CDK6: variants seen among roughly 807,000 people sequenced by gnomAD.
CDK6 encodes cyclin dependent kinase 6.
CDK6 carries 6 observed loss-of-function variants against 37.1 expected under a neutral mutation model. That is an observed-to-expected ratio of 0.16 (90% CI 0.09 to 0.32). The LOEUF is 0.32. Among genes scored for constraint, CDK6 ranks in the 10% least tolerant of loss-of-function variants. The probability of loss-of-function intolerance (pLI) is 1.00; values close to 1 mark genes in which losing one functional copy is unlikely to be tolerated. For synonymous variants in CDK6, 160 were observed against 161.3 expected (o/e 0.99, Z 0.06); for missense variants, 224 against 418.9 (o/e 0.53, Z 4.06).
chr7:92,809,851 T>A (rs966863080), intron 2 of CDK6, among the ~76,000 whole-genome samples: 1 of 152,188 alleles, frequency 6.6e-6, no homozygotes, highest in Admixed American at 6.5e-5. Context: ...TTAGCCAGAG[T>A]GTGGCTGAAA....
intron 5 of CDK6, among the ~76,000 whole-genome samples, chr7:92,641,211 G>A (rs1019787815): frequency 3.3e-5 from 5 of 151,664 alleles, no homozygotes; most frequent in African/African-American, 7.3e-5. Context: ...TTGACACTAC[G>A]TAAATCTCTT....
intron 2 of CDK6, among the ~76,000 whole-genome samples, chr7:92,796,090 G>GAA (rs756349460): frequency 7.2e-5 from 5 of 69,384 alleles, no homozygotes; most frequent in Non-Finnish European, 1.1e-4. Flanking sequence ...TTAACTTGGA[G>GAA]AAAAAAAAAA....
At chr7:92,723,349 T>C (rs1162310444) in intron 4 of CDK6, among the ~76,000 whole-genome samples, 2 of 152,198 alleles carry the variant, frequency 1.3e-5, no homozygotes, top group Admixed American at 6.5e-5. Flanking sequence ...ATCAGTTAAC[T>C]TGTAATTCCT....
chr7:92,633,333 CACAG>C (rs1226817474), intron 5 of CDK6, among the ~76,000 whole-genome samples: 1 of 152,104 alleles, frequency 6.6e-6, no homozygotes, highest in South Asian at 2.1e-4. Context: ...TCAGAAATTT[CACAG>C]ACAATCTAGA....
chr7:92,779,496 G>A (rs1028247611), intron 2 of CDK6, among the ~76,000 whole-genome samples: 1 of 152,164 alleles, frequency 6.6e-6, no homozygotes, highest in Non-Finnish European at 1.5e-5. Flanking sequence ...CAGGTTCAAG[G>A]AAATAATCCT....
intron 5 of CDK6, among the ~76,000 whole-genome samples, chr7:92,657,985 GT>G (rs1488727951): frequency 6.6e-6 from 1 of 152,180 alleles, no homozygotes; most frequent in Admixed American, 6.5e-5. Flanking sequence ...GCCTTCCAAA[GT>G]GCTGGGATTA....
At chr7:92,673,776 T>TC (rs1210556414) in intron 4 of CDK6, among the ~76,000 whole-genome samples, 1 of 151,778 alleles carries the variant, frequency 6.6e-6, no homozygotes, top group Non-Finnish European at 1.5e-5. Context: ...TTTTGTTCCT[T>TC]CCTTTTTTTT....
intron 4 of CDK6, among the ~76,000 whole-genome samples, chr7:92,675,364 T>C (rs951812807): frequency 1.3e-5 from 2 of 152,230 alleles, no homozygotes; most frequent in Middle Eastern, 3.2e-3. Context: ...AAAATGTCTA[T>C]TAATAATGAC....
rs1482611863 is a variant in CDK6, at chr7:92,800,555, A to T, written c.234-25724T>A. Among the ~76,000 whole-genome samples, 3 of 152,142 alleles carry T rather than the reference A, an allele frequency of 2.0e-5. No individual in the cohort carries two copies. The East Asian group carries it at 5.8e-4, about 29-fold the overall frequency. On this transcript the variant is annotated intron_variant, in intron 2 of 7. Transcript: ENST00000424848. The stretch of plus-strand genomic sequence containing the variant: ...GTACACACACACTTTCTCTCTCCCC[A>T]CTAGGTTATAAACTCACTTAAAGCA...
rs548026733 is a variant in CDK6 at position 92,606,182 on chromosome 7, G to T, written c.*8958C>A. 2.1e-4 allele frequency: 49 copies of T among 233,546 alleles called. No individual in the cohort carries two copies. The highest frequency in any genetic ancestry group is 3.4e-4 in the Non-Finnish European group (40 of 117,950). 14.5% of individuals were successfully genotyped at this position (233,546 alleles called of 1,614,324 possible). On this transcript the variant is annotated 3_prime_UTR_variant, in exon 8 of 8. Coordinates refer to ENST00000424848, the MANE Select transcript of CDK6 (RefSeq NM_001145306.2). Reference sequence around the variant, plus strand: ...GAGAGAAAACAGCAGCCTGGAATGTGGTTTATATTCTTGATTAGTTTTTCT... The same window carrying T: ...GAGAGAAAACAGCAGCCTGGAATGTTGTTTATATTCTTGATTAGTTTTTCT...
At chr7:92,831,669 T>C (rs141630161) in intron 2 of CDK6, among the ~76,000 whole-genome samples, 28 of 152,356 alleles carry the variant, frequency 1.8e-4, no homozygotes, top group African/African-American at 6.3e-4. Flanking sequence ...TCTCCTTCAC[T>C]AGCTAGGCCG....
chr7:92,776,696 T>C (rs1259539765), intron 2 of CDK6, among the ~76,000 whole-genome samples: 1 of 152,208 alleles, frequency 6.6e-6, no homozygotes, highest in Non-Finnish European at 1.5e-5. Flanking sequence ...TTTGTTGGCC[T>C]CATAAATGTC....
intron 4 of CDK6, among the ~76,000 whole-genome samples, chr7:92,723,760 A>C (rs895122280): frequency 1.3e-5 from 2 of 152,154 alleles, no homozygotes; most frequent in African/African-American, 4.8e-5. Flanking sequence ...CATGCAGTAT[A>C]AACTAGATAC....
Position 92,725,534 on chromosome 7 carries a change from C to A in CDK6, c.537+92G>T, listed in dbSNP as rs1798491085. ...ATTCTATCCACCAACTAGTCATGGG[C>A]AGTACTAACATTAGAGACATGGAAG... On this transcript the variant is annotated intron_variant, in intron 4 of 7. Transcript: ENST00000424848. 3 of 1,316,724 alleles carry A rather than the reference C, an allele frequency of 2.3e-6. No individual in the cohort carries two copies. In the East Asian group the frequency reaches 7.1e-5, roughly 31 times the overall value. The allele number at this position is 1,316,724 out of a possible 1,614,324, so 81.6% of individuals were successfully genotyped here.
chr7:92,749,653 T>C (rs1799143589), intron 3 of CDK6, among the ~76,000 whole-genome samples: 1 of 152,252 alleles, frequency 6.6e-6, no homozygotes, highest in Middle Eastern at 3.2e-3. Context: ...AGGGAACTTC[T>C]GACTGCTCTG....
chr7:92,803,254 G>A (rs750664660), intron 2 of CDK6, among the ~76,000 whole-genome samples: 4 of 152,138 alleles, frequency 2.6e-5, no homozygotes, highest in East Asian at 1.9e-4. Flanking sequence ...CTTACAAGGA[G>A]CTTTCCCTAT....
At chr7:92,756,579 G>A (rs1799324661) in intron 3 of CDK6, among the ~76,000 whole-genome samples, 1 of 152,154 alleles carries the variant, frequency 6.6e-6, no homozygotes. Flanking sequence ...GCTCTCATTT[G>A]TTGGAGAATA....
intron 5 of CDK6, among the ~76,000 whole-genome samples, chr7:92,635,182 A>C (rs540905210): frequency 6.6e-6 from 1 of 152,288 alleles, no homozygotes; most frequent in East Asian, 1.9e-4. Context: ...TTGGGAAAAA[A>C]AGATTAATCC....
intron 4 of CDK6, among the ~76,000 whole-genome samples, chr7:92,704,520 A>C (rs1797925978): frequency 2.0e-5 from 3 of 152,172 alleles, no homozygotes; most frequent in Non-Finnish European, 4.4e-5. Flanking sequence ...TTCCTTAAAA[A>C]ATGTTAATCT....
Sources: gnomAD v4.1 joint callset for allele counts (sites outside exome capture counted in the v4.1 genomes callset) on GRCh38, gnomAD v4.1.1 for gene constraint, MANE v1.5 for transcripts, NCBI Gene and HGNC (gene_info 2026-07-23, HGNC 2026-07-21) for gene names.